SERPINI1: variants seen among roughly 807,000 people sequenced by gnomAD.
SERPINI1 encodes neuroserpin.
Under a neutral mutation model 41.1 loss-of-function variants are expected in SERPINI1, and 19 were observed. The ratio of observed to expected loss-of-function variants is 0.46; its 90% CI spans 0.32 to 0.68. The LOEUF (loss-of-function observed/expected upper bound fraction) is 0.68, where lower values mean the gene tolerates loss of function less well. Among genes scored for constraint, SERPINI1 ranks in the 30% least tolerant of loss-of-function variants. The probability of loss-of-function intolerance (pLI) is 0.03; values close to 1 mark genes in which losing one functional copy is unlikely to be tolerated. For missense variants in SERPINI1, 460 were observed against 479.2 expected (o/e 0.96, Z 0.37); for synonymous variants, 138 against 156.6 (o/e 0.88, Z 0.89).
intron 1 of SERPINI1, among the ~76,000 whole-genome samples, chr3:167,787,106 C>G (rs1727342112): frequency 6.6e-6 from 1 of 151,982 alleles, no homozygotes; most frequent in Admixed American, 6.6e-5. Context: ...CATATTCGCC[C>G]AGGCCTGCAC....
intron 1 of SERPINI1, among the ~76,000 whole-genome samples, chr3:167,782,064 A>G (rs899156114): frequency 2.0e-5 from 3 of 152,188 alleles, no homozygotes; most frequent in Admixed American, 6.5e-5. Flanking sequence ...TTCTACTACC[A>G]TAGCACTGTC....
intron 1 of SERPINI1, among the ~76,000 whole-genome samples, chr3:167,755,073 G>A (rs947225618): frequency 6.6e-6 from 1 of 152,092 alleles, no homozygotes; most frequent in Admixed American, 6.6e-5. Context: ...ATTCCTTCTT[G>A]ACTTTTATTC....
chr3:167,775,138 CTG>C (rs950944402), intron 1 of SERPINI1, among the ~76,000 whole-genome samples: 43 of 142,150 alleles, frequency 3.0e-4, no homozygotes, highest in African/African-American at 1.0e-3. Flanking sequence ...CTCTAAAAGT[CTG>C]TGTGAATTTT....
rs1725372703 is a variant in SERPINI1 at position 167,735,737 on chromosome 3, GACGAAAGCAGGA to G, written c.-100_-89del. 1 of 152,354 alleles carries G rather than the reference GACGAAAGCAGGA, an allele frequency of 6.6e-6. No homozygotes were observed. Among genetic ancestry groups the G allele is most frequent in the Non-Finnish European group, 1.5e-5 (1 of 68,148 alleles). 9.4% of individuals were successfully genotyped at this position (152,354 alleles called of 1,614,324 possible). On this transcript the variant is annotated 5_prime_UTR_variant, in exon 1 of 9. Coordinates refer to ENST00000446050, the MANE Select transcript of SERPINI1 (RefSeq NM_001122752.2). ...GTCTGGACTGTAGTTTCCCGGGAGA[GACGAAAGCAGGA>G]ACGAGAGCGGAGCGGAGCACAGTCC... is the stretch of plus-strand genomic sequence containing the variant.
At position 167,825,472 on chromosome 3, in the gene SERPINI1, C is replaced by G; in HGVS notation, c.*149C>G. On this transcript the variant is annotated 3_prime_UTR_variant, in exon 9 of 9. Transcript: ENST00000446050. ...AACAATATATGTAAATTATAAGTAA[C>G]TTGTCAAGGAATGTTATCAGTATTA... The G allele has an allele frequency of 1.6e-6, 1 of 640,332 alleles. No individual in the cohort carries two copies. The highest frequency in any genetic ancestry group is 2.8e-6 in the Non-Finnish European group (1 of 354,610). The allele number at this position is 640,332 out of a possible 1,614,324, so 39.7% of individuals were successfully genotyped here.
chr3:167,756,365 T>C (rs909629217), intron 1 of SERPINI1, among the ~76,000 whole-genome samples: 1 of 152,162 alleles, frequency 6.6e-6, no homozygotes, highest in African/African-American at 2.4e-5. Context: ...TGGTGTGATC[T>C]CAGCTCACTG....
At chr3:167,799,199 A>C (rs921662859) in intron 5 of SERPINI1, among the ~76,000 whole-genome samples, 3 of 151,956 alleles carry the variant, frequency 2.0e-5, no homozygotes, top group Non-Finnish European at 2.9e-5. Flanking sequence ...CCAAGGCCCC[A>C]ACCCTCCAAC....
At chr3:167,816,080 G>A (rs923855660) in intron 6 of SERPINI1, among the ~76,000 whole-genome samples, 1 of 152,028 alleles carries the variant, frequency 6.6e-6, no homozygotes, top group Admixed American at 6.5e-5. Flanking sequence ...GTCTCACCCT[G>A]TGTCCAGGCT....
At chr3:167,779,288 T>TG (rs1727048353) in intron 1 of SERPINI1, among the ~76,000 whole-genome samples, 2 of 152,138 alleles carry the variant, frequency 1.3e-5, no homozygotes, top group African/African-American at 4.8e-5. Flanking sequence ...CGAACACATA[T>TG]CAAAGTTTTT....
At chr3:167,798,279 T>C (rs1727778138) in intron 5 of SERPINI1, among the ~76,000 whole-genome samples, 1 of 152,178 alleles carries the variant, frequency 6.6e-6, no homozygotes, top group Non-Finnish European at 1.5e-5. Flanking sequence ...CTGTACTAAA[T>C]TAGGCACAGG....
intron 1 of SERPINI1, among the ~76,000 whole-genome samples, chr3:167,782,740 A>T (rs998032235): frequency 2.0e-5 from 3 of 152,210 alleles, no homozygotes; most frequent in Non-Finnish European, 4.4e-5. Context: ...TTGCTGTTTT[A>T]ATTGAAGAAC....
intron 1 of SERPINI1, among the ~76,000 whole-genome samples, chr3:167,740,518 A>G (rs769905012): frequency 2.6e-5 from 4 of 152,230 alleles, no homozygotes; most frequent in African/African-American, 7.2e-5. Flanking sequence ...CTATTTGGTA[A>G]TCTATAATGA....
At chr3:167,798,578 T>C (rs566975153) in intron 5 of SERPINI1, among the ~76,000 whole-genome samples, 10 of 152,322 alleles carry the variant, frequency 6.6e-5, no homozygotes, top group African/African-American at 2.4e-4. Flanking sequence ...TTTACTCAAG[T>C]GTCAATTTTA....
chr3:167,779,808 GA>G (rs914591009), intron 1 of SERPINI1, among the ~76,000 whole-genome samples: 2 of 151,962 alleles, frequency 1.3e-5, no homozygotes, highest in African/African-American at 4.8e-5. Context: ...CAATAGTACA[GA>G]AAAAAAGAGC....
chr3:167,814,988 C>T (rs940188372), intron 6 of SERPINI1, among the ~76,000 whole-genome samples: 2 of 152,220 alleles, frequency 1.3e-5, no homozygotes, highest in Non-Finnish European at 2.9e-5. Context: ...GAATAGCTAA[C>T]TTTTCTCTAA....
chr3:167,825,188 A>C, intron 8 of SERPINI1, 59 bp from the exon 9 acceptor site: 1 of 1,035,046 alleles, frequency 9.7e-7, no homozygotes, highest in Non-Finnish European at 1.5e-6. Flanking sequence ...GCAAGAAGGA[A>C]GATAAATATT....
intron 5 of SERPINI1, among the ~76,000 whole-genome samples, chr3:167,803,284 A>ATAATAAATAAAT (rs371670143): frequency 6.8e-6 from 1 of 147,602 alleles, no homozygotes; most frequent in Non-Finnish European, 1.5e-5. Flanking sequence ...AATAATAATA[A>ATAATAAATAAAT]AAATAAATAA....
At chr3:167,780,836 A>G (rs1352511445) in intron 1 of SERPINI1, among the ~76,000 whole-genome samples, 2 of 152,298 alleles carry the variant, frequency 1.3e-5, no homozygotes, top group East Asian at 3.9e-4. Context: ...CTACTGTGAG[A>G]GGCAGGACCA....
intron 1 of SERPINI1, among the ~76,000 whole-genome samples, chr3:167,779,330 G>A (rs1352728846): frequency 6.6e-6 from 1 of 152,070 alleles, no homozygotes; most frequent in African/African-American, 2.4e-5. Context: ...TAACCAGTAA[G>A]CTATGAGAAC....
Sources: allele counts gnomAD v4.1 joint callset (sites outside exome capture counted in the v4.1 genomes callset), GRCh38; gene constraint gnomAD v4.1.1; transcripts MANE v1.5; gene names NCBI Gene and HGNC (gene_info 2026-07-23, HGNC 2026-07-21).